STXBP5L: variants seen among roughly 807,000 people sequenced by gnomAD.
STXBP5L encodes syntaxin binding protein 5L.
A neutral mutation model predicts 144.5 loss-of-function variants in STXBP5L; 65 were observed. The observed-to-expected ratio is 0.45, with a 90% CI of 0.37 to 0.55. STXBP5L has a LOEUF of 0.55. Among genes scored for constraint, STXBP5L ranks in the 20% least tolerant of loss-of-function variants. The pLI, the probability that STXBP5L is intolerant of heterozygous loss-of-function variation, is 0.00. For missense variants in STXBP5L, 1,298 were observed against 1,405.5 expected (o/e 0.92, Z 1.22); for synonymous variants, 505 against 469.6 (o/e 1.08, Z -0.97).
chr3:120,973,776 G>T (rs1030767517), intron 3 of STXBP5L, among the ~76,000 whole-genome samples: 1 of 148,138 alleles, frequency 6.8e-6, no homozygotes, highest in African/African-American at 2.5e-5. Context: ...TCCCACCTAT[G>T]AGTGAGAACA....
chr3:121,148,258 T>A (rs1323159585), intron 7 of STXBP5L, among the ~76,000 whole-genome samples: 1 of 152,040 alleles, frequency 6.6e-6, no homozygotes, highest in Non-Finnish European at 1.5e-5. Context: ...CTCTGGCAAG[T>A]CTGATCAAGA....
intron 20 of STXBP5L, among the ~76,000 whole-genome samples, chr3:121,354,757 C>T (rs1429927044): frequency 1.3e-5 from 2 of 151,882 alleles, no homozygotes; most frequent in Non-Finnish European, 2.9e-5. Context: ...GTTATTTTGC[C>T]CGTTAACTGA....
At chr3:121,324,486 C>A (rs1344671628) in intron 20 of STXBP5L, 7 of 687,594 alleles carry the variant, frequency 1.0e-5, no homozygotes, top group Non-Finnish European at 1.8e-5. Context: ...ATATTCCCTT[C>A]CTTTAGGACT....
intron 5 of STXBP5L, among the ~76,000 whole-genome samples, chr3:121,088,858 C>A (rs1394232538): frequency 1.9e-5 from 1 of 51,936 alleles, no homozygotes; most frequent in African/African-American, 7.7e-5. Flanking sequence ...AACCAAACAC[C>A]GCATATTCTC....
At chr3:120,933,704 G>A (rs1710090613) in intron 2 of STXBP5L, among the ~76,000 whole-genome samples, 1 of 152,104 alleles carries the variant, frequency 6.6e-6, no homozygotes, top group African/African-American at 2.4e-5. Context: ...AGCATAGGCA[G>A]AGATTAATAT....
chr3:121,009,040 A>G (rs1220420170), intron 3 of STXBP5L, among the ~76,000 whole-genome samples: 1 of 151,892 alleles, frequency 6.6e-6, no homozygotes, highest in Non-Finnish European at 1.5e-5. Context: ...GACAGTGAGT[A>G]GATGAACTTT....
chr3:121,076,378 TG>T (rs1222484182), intron 5 of STXBP5L, among the ~76,000 whole-genome samples: 1 of 152,140 alleles, frequency 6.6e-6, no homozygotes, highest in Non-Finnish European at 1.5e-5. Context: ...ACTCTTCAGG[TG>T]GGGCCTGTAA....
At chr3:121,059,403 G>T (rs1476653568) in intron 5 of STXBP5L, among the ~76,000 whole-genome samples, 2 of 152,122 alleles carry the variant, frequency 1.3e-5, no homozygotes, top group African/African-American at 4.8e-5. Flanking sequence ...AAGTCAGGTA[G>T]CATGGTGCCT....
At chr3:120,942,454 T>C (rs867450766) in intron 2 of STXBP5L, among the ~76,000 whole-genome samples, 1 of 151,576 alleles carries the variant, frequency 6.6e-6, no homozygotes, top group Non-Finnish European at 1.5e-5. Context: ...GTATTTTGTC[T>C]TTCTAACCAC....
chr3:121,075,879 C>T (rs965884880), intron 5 of STXBP5L, among the ~76,000 whole-genome samples: 2 of 152,182 alleles, frequency 1.3e-5, no homozygotes, highest in Non-Finnish European at 2.9e-5. Flanking sequence ...CATTGTTCTC[C>T]AGCCTCTAGA....
Position 121,045,620 on chromosome 3 carries a change from TC to T in STXBP5L, c.470+87del. On this transcript the variant is annotated intron_variant, in intron 5 of 26. Transcript: ENST00000471454. ...TTTTTGTTAACTTGACAGGCTTTTT[TC>T]CTCATAATCTCAACAGCTAGAAATA... 16 of 1,156,792 alleles carry T rather than the reference TC, an allele frequency of 1.4e-5. No individual in the cohort carries two copies. In the South Asian group the frequency reaches 2.2e-4, roughly 16 times the overall value. The allele number at this position is 1,156,792 out of a possible 1,614,324, so 71.7% of individuals were successfully genotyped here. A position where few individuals can be genotyped will look rare whatever the true frequency, so the allele number is the denominator to read the frequency against.
At chr3:120,938,944 G>T (rs1248218507) in intron 2 of STXBP5L, among the ~76,000 whole-genome samples, 1 of 151,810 alleles carries the variant, frequency 6.6e-6, no homozygotes, top group Non-Finnish European at 1.5e-5. Context: ...ACCATTCCTG[G>T]CTAATTTATT....
At chr3:121,139,465 T>C (rs2045403911) in intron 7 of STXBP5L, among the ~76,000 whole-genome samples, 1 of 152,104 alleles carries the variant, frequency 6.6e-6, no homozygotes, top group African/African-American at 2.4e-5. Context: ...GAATATGAAT[T>C]AACTTACCCA....
At chr3:120,919,795 A>G (rs1255780075) in intron 2 of STXBP5L, among the ~76,000 whole-genome samples, 2 of 151,932 alleles carry the variant, frequency 1.3e-5, no homozygotes, top group African/African-American at 4.8e-5. Context: ...TCTGTGAACC[A>G]TTTATATTTT....
intron 3 of STXBP5L, among the ~76,000 whole-genome samples, chr3:121,004,727 G>A (rs12630151): frequency 6.6e-6 from 1 of 152,026 alleles, no homozygotes; most frequent in Non-Finnish European, 1.5e-5. Context: ...TACGTCCCAT[G>A]AATACCTAAT....
chr3:121,288,439 C>CT (rs945274549), intron 19 of STXBP5L, among the ~76,000 whole-genome samples: 4 of 152,186 alleles, frequency 2.6e-5, no homozygotes, highest in Admixed American at 1.3e-4. Context: ...AATGGCTGAA[C>CT]TAATATACAC....
intron 3 of STXBP5L, among the ~76,000 whole-genome samples, chr3:120,993,009 G>T (rs1258272677): frequency 6.6e-6 from 1 of 152,126 alleles, no homozygotes; most frequent in Non-Finnish European, 1.5e-5. Context: ...GGAGTAAGAT[G>T]ATATCTCATT....
intron 6 of STXBP5L, among the ~76,000 whole-genome samples, chr3:121,116,592 G>A (rs938206559): frequency 3.9e-5 from 6 of 151,992 alleles, no homozygotes; most frequent in Non-Finnish European, 8.8e-5. Flanking sequence ...ATGATAAATT[G>A]TTACATATAC....
intron 18 of STXBP5L, among the ~76,000 whole-genome samples, chr3:121,274,408 G>A (rs1467810171): frequency 1.3e-5 from 2 of 152,262 alleles, no homozygotes; most frequent in Non-Finnish European, 2.9e-5. Context: ...AACTGTAGTG[G>A]TTAAGGCTGT....
Sources: allele counts gnomAD v4.1 joint callset (sites outside exome capture counted in the v4.1 genomes callset), GRCh38; gene constraint gnomAD v4.1.1; transcripts MANE v1.5; gene names NCBI Gene and HGNC (gene_info 2026-07-23, HGNC 2026-07-21).